The following DOCK4 variants were observed in gnomAD, a reference collection of about 807,000 sequenced individuals.
The protein encoded by DOCK4 is dedicator of cytokinesis protein 4.
Under a neutral mutation model 268.1 loss-of-function variants are expected in DOCK4, and 97 were observed. The ratio of observed to expected loss-of-function variants is 0.36; its 90% CI spans 0.31 to 0.43. The LOEUF is 0.43. Among genes scored for constraint, DOCK4 ranks in the 20% least tolerant of loss-of-function variants. The pLI is 1.00. For missense variants in DOCK4, 2,145 were observed against 2,455.7 expected, an observed-to-expected ratio of 0.87 and a Z score of 2.67; for synonymous variants, 954 against 887.2, an observed-to-expected ratio of 1.08 and a Z score of -1.34.
At chr7:111,827,730 G>A (rs899753870) in intron 26 of DOCK4, among the ~76,000 whole-genome samples, 1 of 152,152 alleles carries the variant, frequency 6.6e-6, no homozygotes, top group Admixed American at 6.6e-5. Context: ...AGTTTGAAGT[G>A]GCTGGAGTGA....
intron 1 of DOCK4, among the ~76,000 whole-genome samples, chr7:112,137,682 T>G (rs1814490957): frequency 6.6e-6 from 1 of 152,140 alleles, no homozygotes; most frequent in African/African-American, 2.4e-5. Flanking sequence ...GGCCTAACCC[T>G]TCCTCAATGG....
chr7:112,082,083 AGTTCTTAGCTC>A (rs1808641021), intron 1 of DOCK4, among the ~76,000 whole-genome samples: 1 of 152,188 alleles, frequency 6.6e-6, no homozygotes, highest in Non-Finnish European at 1.5e-5. Context: ...ATACATGTAG[AGTTCTTAGCTC>A]CGCACCTGTC....
In DOCK4 at chr7:111,922,916, A is replaced by C. The variant is rs566865726; in HGVS notation, c.1067-7012T>G. 2.7e-4 allele frequency among the ~76,000 whole-genome samples: 41 copies of C among 152,240 alleles called. 1 individual carries two copies. In the South Asian group the frequency reaches 8.5e-3, roughly 32 times the overall value. On this transcript the variant is annotated intron_variant, in intron 12 of 52. Transcript: ENST00000428084. The stretch of plus-strand genomic sequence containing the variant: ...TCTTTACTCCTGATGATGAACTCTG[A>C]CTAGTTGTTTCAGTGAATGTGAATG...
intron 30 of DOCK4, among the ~76,000 whole-genome samples, chr7:111,804,422 G>C (rs2133873858): frequency 6.6e-6 from 1 of 152,248 alleles, no homozygotes; most frequent in East Asian, 1.9e-4. Context: ...GGTAGTACCA[G>C]GGGCTGGGGA....
intron 39 of DOCK4, among the ~76,000 whole-genome samples, chr7:111,761,607 T>G (rs757153156): frequency 6.6e-6 from 1 of 152,062 alleles, no homozygotes; most frequent in Non-Finnish European, 1.5e-5. Flanking sequence ...TCTATGAGGT[T>G]CTTATGTAAA....
At chr7:111,839,440 C>A (rs1442011847) in intron 25 of DOCK4, among the ~76,000 whole-genome samples, 2 of 151,990 alleles carry the variant, frequency 1.3e-5, no homozygotes, top group Non-Finnish European at 2.9e-5. Context: ...GTGAAATATG[C>A]TGAAGTGGGA....
intron 1 of DOCK4, among the ~76,000 whole-genome samples, chr7:112,121,972 G>T (rs558437282): frequency 6.6e-6 from 1 of 152,146 alleles, no homozygotes; most frequent in East Asian, 1.9e-4. Context: ...ATAAGTATTT[G>T]ATTTACATTT....
chr7:112,086,028 T>C (rs1325440240), intron 1 of DOCK4, among the ~76,000 whole-genome samples: 3 of 152,072 alleles, frequency 2.0e-5, no homozygotes, highest in Non-Finnish European at 1.5e-5. Context: ...GTCATGACAA[T>C]TTGGTTAAAA....
chr7:112,144,471 A>G (rs1815246216), intron 1 of DOCK4, among the ~76,000 whole-genome samples: 1 of 152,194 alleles, frequency 6.6e-6, no homozygotes, highest in African/African-American at 2.4e-5. Context: ...GAGGATCCAA[A>G]GGCCACACAA....
At chr7:112,046,677 T>A (rs61663379) in intron 1 of DOCK4, among the ~76,000 whole-genome samples, 5,406 of 152,056 alleles carry the variant, frequency 0.036, 305 homozygotes, top group African/African-American at 0.12. Flanking sequence ...GACAACAAAC[T>A]GGATAATATA....
At chr7:111,828,093 T>G (rs1802539060) in intron 26 of DOCK4, among the ~76,000 whole-genome samples, 1 of 152,132 alleles carries the variant, frequency 6.6e-6, no homozygotes, top group Non-Finnish European at 1.5e-5. Context: ...GCCTCCAGTA[T>G]GAGGTGGGTG....
intron 13 of DOCK4, among the ~76,000 whole-genome samples, chr7:111,910,543 C>T (rs565019315): frequency 2.0e-5 from 3 of 152,302 alleles, no homozygotes; most frequent in Non-Finnish European, 2.9e-5. Flanking sequence ...TATTAAAACG[C>T]TAATATTTTG....
At chr7:111,774,382 C>A (rs1351582932) in intron 36 of DOCK4, among the ~76,000 whole-genome samples, 1 of 152,048 alleles carries the variant, frequency 6.6e-6, no homozygotes, top group Non-Finnish European at 1.5e-5. Flanking sequence ...GCAGGAGAAT[C>A]GCTTGAACCT....
chr7:111,842,984 T>C (rs959683195), intron 25 of DOCK4, among the ~76,000 whole-genome samples: 1 of 152,212 alleles, frequency 6.6e-6, no homozygotes, highest in South Asian at 2.1e-4. Context: ...CTTTATAATA[T>C]AGAAATGTCT....
chr7:111,962,781 T>A (rs1369042053), intron 8 of DOCK4, among the ~76,000 whole-genome samples: 1 of 151,510 alleles, frequency 6.6e-6, no homozygotes, highest in Non-Finnish European at 1.5e-5. Flanking sequence ...AAAAATGGAG[T>A]TTAATGAAGT....
At chr7:112,012,090 G>A (rs1045003489) in intron 1 of DOCK4, among the ~76,000 whole-genome samples, 6 of 152,002 alleles carry the variant, frequency 3.9e-5, no homozygotes, top group East Asian at 1.9e-4. Context: ...AGAATTTGAT[G>A]TGTAAGTAAA....
chr7:112,180,761 C>T (rs1166334102), intron 1 of DOCK4, among the ~76,000 whole-genome samples: 1 of 152,190 alleles, frequency 6.6e-6, no homozygotes, highest in African/African-American at 2.4e-5. Flanking sequence ...ACTGCTCCAC[C>T]ACCTTAGGGG....
chr7:112,012,718 T>C (rs1378458280), intron 1 of DOCK4, among the ~76,000 whole-genome samples: 1 of 152,200 alleles, frequency 6.6e-6, no homozygotes, highest in Non-Finnish European at 1.5e-5. Context: ...ATTCAAATAA[T>C]ATTATTTAAG....
At chr7:111,963,337 C>A (rs1269252889) in intron 8 of DOCK4, among the ~76,000 whole-genome samples, 1 of 139,360 alleles carries the variant, frequency 7.2e-6, no homozygotes, top group Non-Finnish European at 1.5e-5. Flanking sequence ...TGGGCGCAGG[C>A]CAGTGTGTGT....
Sources: allele counts gnomAD v4.1 joint callset (sites outside exome capture counted in the v4.1 genomes callset), GRCh38; gene constraint gnomAD v4.1.1; transcripts MANE v1.5; gene names NCBI Gene and HGNC (gene_info 2026-07-23, HGNC 2026-07-21).